The following PPP1R13B variants were observed in gnomAD, a reference collection of about 807,000 sequenced individuals.
The protein encoded by PPP1R13B is protein phosphatase 1 regulatory subunit 13B, also known as apoptosis-stimulating of p53 protein 1.
In PPP1R13B, 44 loss-of-function variants were observed where a neutral mutation model predicts 119.8. The observed-to-expected ratio is 0.37, with a 90% CI of 0.29 to 0.47. PPP1R13B has a LOEUF of 0.47. PPP1R13B is among the 20% of genes least tolerant of loss of function. The pLI is 0.99. For missense variants in PPP1R13B, 1,227 were observed against 1,413.5 expected (o/e 0.87, Z 2.12); for synonymous variants, 542 against 561.5 (o/e 0.97, Z 0.49).
At position 103,738,752 on chromosome 14, in the gene PPP1R13B, C is replaced by T. The variant is rs536152556; in HGVS notation, c.2791G>A (p.Ala931Thr). 8.7e-6 allele frequency: 14 copies of T among 1,614,198 alleles called. No homozygotes were observed. Among genetic ancestry groups the T allele is most frequent in the Admixed American group, 3.3e-5 (2 of 60,030 alleles). ...GITPLHNAVC[A>T]GHHHIVKFLL... ...AACTTCACGATGTGATGGTGGCCGG[C>T]GCAGACGGCGTTGTGCAGTGGGGTG... is the stretch of plus-strand genomic sequence containing the variant. Residue 931 changes from alanine to threonine, a missense_variant, in exon 14 of 17, where the codon GCC becomes ACC. Transcript: ENST00000202556. The surrounding 1 kb of genome is among the most constrained non-coding windows in gnomAD (Gnocchi z 5.6).
intron 2 of PPP1R13B, among the ~76,000 whole-genome samples, chr14:103,790,650 G>A (rs1033369692): frequency 6.6e-6 from 1 of 152,102 alleles, no homozygotes; most frequent in Non-Finnish European, 1.5e-5. Context: ...GGTGGAGGTT[G>A]CAGTGAGCCA....
chr14:103,822,176 CCAGGCTGGGGTGCAGTGGCACAGTCT>C, intron 1 of PPP1R13B, among the ~76,000 whole-genome samples: 1 of 152,130 alleles, frequency 6.6e-6, no homozygotes, highest in Middle Eastern at 3.4e-3. Context: ...CTCTTGTCGC[CCAGGCTGGGGTGCAGTGGCACAGTCT>C]CAGCTCACTG....
chr14:103,772,568 T>C (rs1324152642), intron 4 of PPP1R13B, among the ~76,000 whole-genome samples: 2 of 152,226 alleles, frequency 1.3e-5, no homozygotes, highest in Admixed American at 6.5e-5. Context: ...TTTTAATTTG[T>C]ATTTTCCTAA....
intron 1 of PPP1R13B, among the ~76,000 whole-genome samples, chr14:103,799,355 T>C (rs1482522346): frequency 6.6e-6 from 1 of 151,984 alleles, no homozygotes; most frequent in Admixed American, 6.6e-5. Flanking sequence ...ATTTTTTGTA[T>C]TTTCAGTAGA....
At chr14:103,821,958 A>G (rs2086420685) in intron 1 of PPP1R13B, among the ~76,000 whole-genome samples, 1 of 152,128 alleles carries the variant, frequency 6.6e-6, no homozygotes, top group Non-Finnish European at 1.5e-5. Flanking sequence ...ATTAAGAACT[A>G]AATATGCTGC....
intron 1 of PPP1R13B, chr14:103,846,913 C>T: frequency 1.9e-6 from 2 of 1,055,564 alleles, no homozygotes. Flanking sequence ...GGGTGCCCAC[C>T]CCGCCGACTC....
intron 6 of PPP1R13B, 118 bp downstream of exon 6, chr14:103,753,952 G>C (rs1380826248): frequency 4.0e-6 from 5 of 1,263,162 alleles, no homozygotes; most frequent in Non-Finnish European, 5.5e-6. Flanking sequence ...AGCAAAACTT[G>C]AGCACGCTTG....
chr14:103,762,934 C>T (rs1312899729), intron 4 of PPP1R13B: 9 of 961,230 alleles, frequency 9.4e-6, no homozygotes, highest in East Asian at 5.2e-5. Context: ...TTGCTGTCCC[C>T]GTCTACAGTA....
intron 4 of PPP1R13B, among the ~76,000 whole-genome samples, chr14:103,767,578 T>C (rs2084966215): frequency 6.6e-6 from 1 of 152,070 alleles, no homozygotes; most frequent in South Asian, 2.1e-4. Context: ...ACCACAGAGA[T>C]CTTTCTAAAA....
At position 103,749,890 on chromosome 14, in the gene PPP1R13B, C is replaced by G. The variant is rs1203714147; in HGVS notation, c.873G>C (p.Gln291His). ...TGCGCTTATTTAAGAGTTCCTTCTGCTGCTGAAGTTTTGAATTTTGTTCCT... is the reference window on the plus strand; with the variant it reads ...TGCGCTTATTTAAGAGTTCCTTCTGGTGCTGAAGTTTTGAATTTTGTTCCT... ...LNQEQNSKLQ[Q>H]QKELLNKRNM... Residue 291 changes from glutamine (Q) to histidine (H), a missense_variant, in exon 8 of 17, where the codon CAG becomes CAC. By Grantham distance (24) the Gln-to-His change is conservative. Transcript: ENST00000202556. The G allele has an allele frequency of 4.3e-6, 7 of 1,614,052 alleles. No homozygotes were observed. The highest frequency in any genetic ancestry group is 5.9e-6 in the Non-Finnish European group (7 of 1,180,036).
At chr14:103,735,888 G>A in intron 16 of PPP1R13B, 115 bp downstream of exon 16, 1 of 1,160,142 alleles carries the variant, frequency 8.6e-7, no homozygotes, top group Non-Finnish European at 1.2e-6. Flanking sequence ...TACAGAGGGG[G>A]CTGCTGAGGC....
In PPP1R13B at chr14:103,746,384, C is replaced by A. The variant is rs79177579; in HGVS notation, c.1139G>T (p.Arg380Ile). ...CCAGGACCACTCACCGGATTTGGATCTTCCATGAGCAGCATTTGAGGCAAT... is the reference window on the plus strand; with the variant it reads ...CCAGGACCACTCACCGGATTTGGATATTCCATGAGCAGCATTTGAGGCAAT... ...LSIASNAAHG[R>I]SKSANDGNWP... Residue 380 changes from arginine (R) to isoleucine (I), a missense_variant, in exon 9 of 17, where the codon AGA becomes ATA. Transcript: ENST00000202556. The A allele has an allele frequency of 2.8e-4, 444 of 1,594,718 alleles. 1 individual carries two copies. The highest frequency in any genetic ancestry group is 3.4e-4 in the Non-Finnish European group (400 of 1,169,044).
rs1393642741 is a variant in PPP1R13B, at chr14:103,737,752, A to G, written c.2973T>C (p.Ala991=). The G allele has an allele frequency of 1.9e-6, 3 of 1,614,132 alleles. No individual in the cohort carries two copies. The highest frequency in any genetic ancestry group is 1.7e-5 in the Admixed American group (1 of 60,008). ...CCTCCATCTCCTCACACTTGTCTGC[A>G]GCAGTTTCAATGTCGCTTATGGTTG... ...FASTISDIET[A]ADKCEEMEEG... The change falls in exon 15 of 17, where the codon GCT becomes GCC. Residue 991 remains alanine, a synonymous_variant. Coordinates refer to ENST00000202556, the MANE Select transcript of PPP1R13B (RefSeq NM_015316.3).
At chr14:103,797,709 C>T (rs2085792994) in intron 1 of PPP1R13B, among the ~76,000 whole-genome samples, 191 bp from the exon 2 acceptor site, 2 of 147,950 alleles carry the variant, frequency 1.4e-5, no homozygotes, top group African/African-American at 5.0e-5. Flanking sequence ...CAGGAAAATT[C>T]CAAATGAGGA....
chr14:103,756,667 C>T (rs2084684545), intron 5 of PPP1R13B, among the ~76,000 whole-genome samples: 1 of 152,178 alleles, frequency 6.6e-6, no homozygotes, highest in Non-Finnish European at 1.5e-5. Context: ...CGGATTGCTG[C>T]TTTCTTCTTG....
chr14:103,848,735 G>T (rs897750867), upstream of PPP1R13B, among the ~76,000 whole-genome samples: 1 of 151,342 alleles, frequency 6.6e-6, no homozygotes, highest in Non-Finnish European at 1.5e-5. Context: ...AAGGGAGGAG[G>T]CCAGGGAGCT....
At chr14:103,771,914 C>T (rs1016610328) in intron 4 of PPP1R13B, among the ~76,000 whole-genome samples, 7 of 152,244 alleles carry the variant, frequency 4.6e-5, no homozygotes, top group African/African-American at 1.7e-4. Flanking sequence ...ATGAAATCAG[C>T]ACAATCAAGA....
intron 1 of PPP1R13B, among the ~76,000 whole-genome samples, chr14:103,843,697 G>T (rs2086960473): frequency 6.6e-6 from 1 of 152,220 alleles, no homozygotes; most frequent in Non-Finnish European, 1.5e-5. Context: ...GCATACGCCT[G>T]TTATCCCAGC....
chr14:103,803,839 T>G (rs2085958230), intron 1 of PPP1R13B, among the ~76,000 whole-genome samples: 1 of 152,158 alleles, frequency 6.6e-6, no homozygotes, highest in South Asian at 2.1e-4. Flanking sequence ...TGCCCCTTTC[T>G]GCTCACTGAC....
Sources: gnomAD v4.1 joint callset for allele counts (sites outside exome capture counted in the v4.1 genomes callset) on GRCh38, gnomAD v4.1.1 for gene constraint, Gnocchi (gnomAD v3.1) non-coding constraint, MANE v1.5 for transcripts, NCBI Gene and HGNC (gene_info 2026-07-23, HGNC 2026-07-21) for gene names.